The following SPAG16 variants were observed in gnomAD, a reference collection of about 807,000 sequenced individuals.
SPAG16 encodes the protein sperm associated antigen 16, also known as sperm-associated antigen 16 protein.
SPAG16 carries 86 observed loss-of-function variants against 80.4 expected under a neutral mutation model. The observed-to-expected ratio is 1.07, with a 90% confidence interval of 0.90 to 1.28. The LOEUF (loss-of-function observed/expected upper bound fraction) is 1.28, where lower values mean the gene tolerates loss of function less well. Among genes scored for constraint, SPAG16 ranks in the 50% most tolerant of loss-of-function variants. SPAG16 has a pLI of 0.00. For synonymous variants in SPAG16, 294 were observed against 265.9 expected, an observed-to-expected ratio of 1.11 and a Z score of -1.03; for missense variants, 870 against 765.3, an observed-to-expected ratio of 1.14 and a Z score of -1.61.
intron 15 of SPAG16, among the ~76,000 whole-genome samples, chr2:214,403,345 TTATA>T (rs1205802420): frequency 1.3e-5 from 2 of 148,574 alleles, no homozygotes; most frequent in African/African-American, 2.4e-5. Flanking sequence ...ATATTTATAT[TTATA>T]TATGAGATAT....
At chr2:213,996,434 T>G (rs1246684519) in intron 12 of SPAG16, among the ~76,000 whole-genome samples, 1 of 152,134 alleles carries the variant, frequency 6.6e-6, no homozygotes, top group Non-Finnish European at 1.5e-5. Context: ...AAATCAGGAC[T>G]GTCAGGAAAA....
At chr2:214,132,446 A>G (rs2054827422) in intron 14 of SPAG16, among the ~76,000 whole-genome samples, 2 of 152,196 alleles carry the variant, frequency 1.3e-5, no homozygotes, top group Non-Finnish European at 2.9e-5. Flanking sequence ...AGTTACATTT[A>G]AAGTACTCAG....
At chr2:213,584,192 A>G (rs1041714544) in intron 10 of SPAG16, among the ~76,000 whole-genome samples, 3 of 151,596 alleles carry the variant, frequency 2.0e-5, no homozygotes, top group African/African-American at 7.3e-5. Flanking sequence ...ATTTTTTTTT[A>G]TACTAGTCCA....
chr2:214,399,549 G>C (rs1701592778), intron 15 of SPAG16, among the ~76,000 whole-genome samples: 1 of 152,028 alleles, frequency 6.6e-6, no homozygotes, highest in East Asian at 1.9e-4. Context: ...AGTTAGTTCT[G>C]ACACCAATGT....
intron 9 of SPAG16, among the ~76,000 whole-genome samples, chr2:213,426,836 TACACACACACACACACACACAC>T (rs199604984): frequency 1.1e-4 from 14 of 125,890 alleles, no homozygotes; most frequent in Non-Finnish European, 1.5e-4. Flanking sequence ...TTCTGATACA[TACACACACACACACACACACAC>T]ACACACACAC....
chr2:213,702,820 T>C (rs889600745), intron 10 of SPAG16, among the ~76,000 whole-genome samples: 1 of 152,154 alleles, frequency 6.6e-6, no homozygotes, highest in Non-Finnish European at 1.5e-5. Context: ...TCAAGAAGAT[T>C]TAAGATTGGC....
chr2:213,377,671 T>C (rs2066945698), intron 9 of SPAG16, among the ~76,000 whole-genome samples: 1 of 152,058 alleles, frequency 6.6e-6, no homozygotes, highest in African/African-American at 2.4e-5. Context: ...TTCCTCTTAC[T>C]TTTTCCCTTA....
chr2:214,124,199 T>C (rs988057062), intron 14 of SPAG16, among the ~76,000 whole-genome samples: 5 of 152,084 alleles, frequency 3.3e-5, no homozygotes, highest in African/African-American at 1.2e-4. Flanking sequence ...AAATTTAATA[T>C]ACTTTGCAGA....
intron 10 of SPAG16, among the ~76,000 whole-genome samples, chr2:213,612,233 C>T (rs547751054): frequency 6.6e-6 from 1 of 152,120 alleles, no homozygotes; most frequent in African/African-American, 2.4e-5. Flanking sequence ...AATTAGCAAA[C>T]ATGTAGTAAA....
intron 15 of SPAG16, among the ~76,000 whole-genome samples, chr2:214,157,084 A>C: frequency 6.6e-6 from 1 of 152,148 alleles, no homozygotes; most frequent in Non-Finnish European, 1.5e-5. Flanking sequence ...TTTGGGCCTC[A>C]CTGATTCTGG....
chr2:213,828,398 A>G (rs775616622), intron 10 of SPAG16, among the ~76,000 whole-genome samples: 3 of 152,098 alleles, frequency 2.0e-5, no homozygotes, highest in Non-Finnish European at 2.9e-5. Flanking sequence ...TCTTTGTTAA[A>G]TGTATTTGAT....
At chr2:214,393,672 G>T (rs1254059209) in intron 15 of SPAG16, among the ~76,000 whole-genome samples, 1 of 151,948 alleles carries the variant, frequency 6.6e-6, no homozygotes, top group African/African-American at 2.4e-5. Context: ...CGTTTGATTG[G>T]AACAAAGGAT....
chr2:214,201,025 GC>G (rs1294098486), intron 15 of SPAG16, among the ~76,000 whole-genome samples: 1 of 152,164 alleles, frequency 6.6e-6, no homozygotes, highest in African/African-American at 2.4e-5. Context: ...TTTTGTGTTT[GC>G]CCAGATACTA....
intron 11 of SPAG16, among the ~76,000 whole-genome samples, chr2:213,876,730 G>T (rs2076157011): frequency 6.6e-6 from 1 of 151,978 alleles, no homozygotes; most frequent in Non-Finnish European, 1.5e-5. Context: ...CTTTGTTATG[G>T]TTATTGGCTG....
At chr2:214,102,849 A>C (rs1474970431) in intron 13 of SPAG16, among the ~76,000 whole-genome samples, 1 of 152,134 alleles carries the variant, frequency 6.6e-6, no homozygotes, top group East Asian at 1.9e-4. Context: ...TAGGAAAGAA[A>C]GGAAAATTCG....
chr2:214,033,147 A>T (rs562022277), intron 13 of SPAG16, among the ~76,000 whole-genome samples: 1 of 152,320 alleles, frequency 6.6e-6, no homozygotes, highest in Non-Finnish European at 1.5e-5. Context: ...TGTAATAACT[A>T]ATAAACCGAT....
intron 10 of SPAG16, among the ~76,000 whole-genome samples, chr2:213,711,666 T>TAATCTGTACCTGTA (rs931268000): frequency 3.3e-5 from 5 of 151,978 alleles, no homozygotes; most frequent in Admixed American, 3.3e-4. Context: ...ATTACAGGTG[T>TAATCTGTACCTGTA]GCACCACCAC....
At position 213,297,954 on chromosome 2, in the gene SPAG16, A is replaced by G. The variant is rs569988598; in HGVS notation, c.279+597A>G. On this transcript the variant is annotated intron_variant, in intron 3 of 15. Coordinates refer to ENST00000331683, the MANE Select transcript of SPAG16 (RefSeq NM_024532.5). The stretch of plus-strand genomic sequence containing the variant: ...TTATTTTGTACCAACATTAAGAAGC[A>G]TGCTTTCTTTCAGTGTTTAACCCCT... Among the ~76,000 whole-genome samples, 19 of 152,316 alleles carry G rather than the reference A, an allele frequency of 1.2e-4. No homozygotes were observed. The South Asian group carries it at 2.1e-3, about 17-fold the overall frequency.
chr2:213,453,843 G>A (rs756800563), intron 9 of SPAG16, among the ~76,000 whole-genome samples: 13 of 152,188 alleles, frequency 8.5e-5, no homozygotes, highest in Non-Finnish European at 1.8e-4. Flanking sequence ...AATCACATAG[G>A]TAGATTTTTT....
Sources: gnomAD v4.1 joint callset for allele counts (sites outside exome capture counted in the v4.1 genomes callset) on GRCh38, gnomAD v4.1.1 for gene constraint, MANE v1.5 for transcripts, NCBI Gene and HGNC (gene_info 2026-07-23, HGNC 2026-07-21) for gene names.